Variants in SULF2 observed in about 807,000 individuals in gnomAD.
SULF2 encodes the protein extracellular sulfatase Sulf-2.
In SULF2, 52 loss-of-function variants were observed where a neutral mutation model predicts 107.7. That is an observed-to-expected ratio of 0.48 (90% CI 0.39 to 0.61). The LOEUF is 0.61. SULF2 is among the 20% of genes least tolerant of loss of function. SULF2 has a pLI of 0.00. For missense variants in SULF2, 993 were observed against 1,177.3 expected (o/e 0.84, Z 2.29); for synonymous variants, 460 against 464.3 (o/e 0.99, Z 0.12).
At chr20:47,679,869 C>T (rs141489779) in intron 7 of SULF2, among the ~76,000 whole-genome samples, 3 of 152,236 alleles carry the variant, frequency 2.0e-5, no homozygotes, top group Non-Finnish European at 4.4e-5. Flanking sequence ...CGGAACTGCG[C>T]CCCCTCCCCA....
At chr20:47,660,423 G>A (rs924040590) in intron 18 of SULF2, among the ~76,000 whole-genome samples, 1 of 152,130 alleles carries the variant, frequency 6.6e-6, no homozygotes, top group African/African-American at 2.4e-5. Flanking sequence ...CATAACTAGA[G>A]CCGACGGTAG....
chr20:47,784,680 T>C (rs2090890750), intron 1 of SULF2, among the ~76,000 whole-genome samples: 1 of 152,206 alleles, frequency 6.6e-6, no homozygotes, highest in African/African-American at 2.4e-5. Flanking sequence ...CCAGAAATGC[T>C]TGTAGAACGA....
rs201318254 is a variant in SULF2, at chr20:47,678,781, A to G, written c.1088T>C (p.Ile363Thr). The change falls in exon 8 of 21, where the codon ATT becomes ACT. Residue 363 changes from isoleucine to threonine, a missense_variant. Physicochemically the swap from Ile to Thr is moderately conservative, Grantham distance 89 (BLOSUM62 -1). Around this residue, in one of 3 missense-constraint regions of SULF2, gnomAD observed 108 missense variants for 183.9 expected, o/e 0.59. Transcript: ENST00000688720. The surrounding 1 kb of genome is among the most constrained non-coding windows in gnomAD (Gnocchi z 4.5). ...GCLNPHIVLN[I>T]DLAPTILDIA... Reference sequence around the variant, plus strand: ...GTCCAGGATGGTGGGGGCCAGGTCAATGTTGAGGACGATGTGGGGATTCCT... The same window carrying G: ...GTCCAGGATGGTGGGGGCCAGGTCAGTGTTGAGGACGATGTGGGGATTCCT... 4 of 1,613,500 alleles carry G rather than the reference A, an allele frequency of 2.5e-6. No individual in the cohort carries two copies. Among genetic ancestry groups the G allele is most frequent in the Non-Finnish European group, 3.4e-6 (4 of 1,179,708 alleles).
At chr20:47,773,990 G>A (rs946072658) in intron 1 of SULF2, among the ~76,000 whole-genome samples, 2 of 152,204 alleles carry the variant, frequency 1.3e-5, no homozygotes, top group African/African-American at 2.4e-5. Flanking sequence ...ATCCACAGGC[G>A]AGCGTGCCGT....
chr20:47,731,265 T>G (rs1168863947), intron 3 of SULF2, among the ~76,000 whole-genome samples: 1 of 144,134 alleles, frequency 6.9e-6, no homozygotes, highest in African/African-American at 2.6e-5. Context: ...CGATCTCGGC[T>G]CACTGCAACC....
chr20:47,762,118 C>T (rs1010056060), intron 1 of SULF2, among the ~76,000 whole-genome samples: 2 of 152,226 alleles, frequency 1.3e-5, no homozygotes, highest in African/African-American at 2.4e-5. Context: ...TACCCAGTCT[C>T]GGGTATGTCT....
intron 3 of SULF2, among the ~76,000 whole-genome samples, chr20:47,720,499 C>T (rs1210465359): frequency 6.7e-6 from 1 of 150,352 alleles, no homozygotes; most frequent in Admixed American, 6.6e-5. Flanking sequence ...CTCAAGTGAT[C>T]CACCCACCTT....
intron 2 of SULF2, among the ~76,000 whole-genome samples, chr20:47,743,681 G>T (rs901333108): frequency 6.6e-6 from 1 of 152,112 alleles, no homozygotes; most frequent in African/African-American, 2.4e-5. Flanking sequence ...GTGACTGCCC[G>T]CCTCACTCAG....
intron 1 of SULF2, among the ~76,000 whole-genome samples, chr20:47,765,709 C>T (rs971492859): frequency 3.9e-5 from 6 of 152,338 alleles, no homozygotes; most frequent in Non-Finnish European, 7.4e-5. Flanking sequence ...CCACTCTTCC[C>T]TGTCCCCTGG....
At chr20:47,779,144 G>A (rs890491063) in intron 1 of SULF2, among the ~76,000 whole-genome samples, 1 of 152,122 alleles carries the variant, frequency 6.6e-6, no homozygotes, top group African/African-American at 2.4e-5. Flanking sequence ...TGACTCCTTG[G>A]CAGGATACAT....
At chr20:47,777,144 A>G (rs1033363691) in intron 1 of SULF2, among the ~76,000 whole-genome samples, 5 of 152,228 alleles carry the variant, frequency 3.3e-5, no homozygotes, top group Non-Finnish European at 7.3e-5. Context: ...CCAGAGAGTG[A>G]TAAGTGTTAT....
rs1568778657 is a variant in SULF2, at chr20:47,663,226, G to C, written c.2228-14C>G. ...AGAAAGGCCCCACTGCCAAGGAAGA[G>C]AGAGCATGTCCTGAGTGCCTGCGGG... On this transcript the variant is annotated splice_polypyrimidine_tract_variant and intron_variant, in intron 16 of 20. Transcript: ENST00000688720. 6.2e-7 allele frequency: 1 copy of C among 1,613,960 alleles called. No individual in the cohort carries two copies. The highest frequency in any genetic ancestry group is 8.5e-7 in the Non-Finnish European group (1 of 1,179,982).
chr20:47,666,085 C>T lies in SULF2; in HGVS notation c.1806-132G>A. 1 of 1,604,106 alleles carries T rather than the reference C, an allele frequency of 6.2e-7. No individual in the cohort carries two copies. The highest frequency in any genetic ancestry group is 8.5e-7 in the Non-Finnish European group (1 of 1,171,686). ...CACCCTCGACTTCCACCTGGACACT[C>T]ACCGATGTGTCACTTTAATGGGGTT... On this transcript the variant is annotated intron_variant, in intron 12 of 20. Coordinates refer to ENST00000688720, the MANE Select transcript of SULF2 (RefSeq NM_001387048.1). This position sits in a 1 kb window ranked among gnomAD's most constrained non-coding sequence, Gnocchi z 5.4.
intron 2 of SULF2, among the ~76,000 whole-genome samples, chr20:47,750,787 G>A (rs1272608157): frequency 6.6e-6 from 1 of 152,114 alleles, no homozygotes; most frequent in Non-Finnish European, 1.5e-5. Flanking sequence ...CGCTGCTCTG[G>A]CCTCTTTGCG....
chr20:47,678,689 G>C lies in SULF2; in HGVS notation c.1180C>G (p.Arg394Gly), dbSNP rs1188237198. ...KSILKLLDTE[R>G]PVNRFHLKKK... is the part of the protein sequence containing the mutation. ...CTCCGTCCTCACCGATTCACCGGCC[G>C]CTCCGTGTCCAGCAGCTTGAGGATG... Residue 394 changes from arginine (R) to glycine (G), a missense_variant, in exon 8 of 21, where the codon CGG becomes GGG. This residue lies in a region of SULF2 where 108 missense variants were observed against 183.9 expected (regional missense o/e 0.59). Coordinates refer to ENST00000688720, the MANE Select transcript of SULF2 (RefSeq NM_001387048.1). The surrounding 1 kb of genome is among the most constrained non-coding windows in gnomAD (Gnocchi z 4.5). The C allele has an allele frequency of 6.2e-7, 1 of 1,613,838 alleles. No homozygotes were observed. Among genetic ancestry groups the C allele is most frequent in the South Asian group, 1.1e-5 (1 of 91,074 alleles).
chr20:47,781,336 C>G (rs2090830752), intron 1 of SULF2, among the ~76,000 whole-genome samples: 1 of 152,262 alleles, frequency 6.6e-6, no homozygotes, highest in Non-Finnish European at 1.5e-5. Context: ...CCGGGCTTCC[C>G]TTTCACTGGG....
intron 8 of SULF2, 93 bp from the exon 9 acceptor site, chr20:47,677,227 C>T: frequency 2.1e-6 from 3 of 1,412,938 alleles, no homozygotes; most frequent in East Asian, 2.6e-5. Flanking sequence ...CAGGAGTCAG[C>T]CTTGGTTTAC....
chr20:47,676,944 T>C, intron 9 of SULF2, 134 bp downstream of exon 9: 2 of 919,838 alleles, frequency 2.2e-6, no homozygotes, highest in South Asian at 1.6e-5. Flanking sequence ...ATGGGCTTTG[T>C]GTTTAGGGGC....
chr20:47,749,479 G>A (rs866107348), intron 2 of SULF2, among the ~76,000 whole-genome samples: 4 of 152,196 alleles, frequency 2.6e-5, no homozygotes, highest in South Asian at 4.1e-4. Context: ...AGTGATCAGC[G>A]GCTAGAAGGC....
Sources: allele counts gnomAD v4.1 joint callset (sites outside exome capture counted in the v4.1 genomes callset), GRCh38; gene constraint gnomAD v4.1.1; regional missense constraint gnomAD v4.1.1; non-coding constraint Gnocchi (gnomAD v3.1); transcripts MANE v1.5; gene names NCBI Gene and HGNC (gene_info 2026-07-23, HGNC 2026-07-21).